Variants in BOC observed in about 807,000 individuals in gnomAD.
BOC encodes the protein BOC cell adhesion associated, oncogene regulated.
In BOC, 76 loss-of-function variants were observed where a neutral mutation model predicts 112.0. The observed-to-expected ratio is 0.68, with a 90% CI of 0.56 to 0.82. BOC has a LOEUF of 0.82. Among genes scored for constraint, BOC ranks in the 40% least tolerant of loss-of-function variants. The pLI, the probability that BOC is intolerant of heterozygous loss-of-function variation, is 0.00. For missense variants in BOC, 1,309 were observed against 1,511.7 expected, an observed-to-expected ratio of 0.87 and a Z score of 2.22; for synonymous variants, 580 against 599.8, an observed-to-expected ratio of 0.97 and a Z score of 0.48.
chr3:113,286,975 A>G lies in BOC; in HGVS notation c.*113A>G. The G allele has an allele frequency of 9.6e-7, 1 of 1,041,100 alleles. No individual in the cohort carries two copies. 64.5% of individuals were successfully genotyped at this position (1,041,100 alleles called of 1,614,324 possible). ...ATTTTTCTATTATAGCCATATTTATATATTTATGCACTTGTAAATAAATGT... is the reference window on the plus strand; with the variant it reads ...ATTTTTCTATTATAGCCATATTTATGTATTTATGCACTTGTAAATAAATGT... On this transcript the variant is annotated 3_prime_UTR_variant, in exon 20 of 20. Coordinates refer to ENST00000682979, the MANE Select transcript of BOC (RefSeq NM_001378074.1).
intron 4 of BOC, among the ~76,000 whole-genome samples, chr3:113,254,078 T>A (rs1344317946): frequency 2.0e-5 from 3 of 152,208 alleles, no homozygotes; most frequent in Admixed American, 2.0e-4. Context: ...GCCTTCATTT[T>A]AAAAATATTC....
Position 113,272,499 on chromosome 3 carries a change from G to A in BOC, c.757G>A (p.Val253Met). The change falls in exon 7 of 20, where the codon GTG becomes ATG. Residue 253 changes from valine to methionine, a missense_variant. Physicochemically the swap from Val to Met is conservative, Grantham distance 21. Coordinates refer to ENST00000682979, the MANE Select transcript of BOC (RefSeq NM_001378074.1). The part of the protein sequence containing the change: ...TKGQSLILEC[V>M]ASGIPPPRVT... ...AGGCCAGAGTCTCATTCTGGAGTGT[G>A]TGGCCAGTGGAATCCCACCCCCACG... 1 of 1,614,100 alleles carries A rather than the reference G, an allele frequency of 6.2e-7. No individual in the cohort carries two copies. The highest frequency in any genetic ancestry group is 8.5e-7 in the Non-Finnish European group (1 of 1,180,024).
At chr3:113,282,816 G>A (rs1269222741) in intron 15 of BOC, among the ~76,000 whole-genome samples, 1 of 152,092 alleles carries the variant, frequency 6.6e-6, no homozygotes, top group East Asian at 1.9e-4. Context: ...AAAGCCGGGG[G>A]AGAAGATGGC....
chr3:113,285,964 A>C (rs1009007381), intron 19 of BOC, among the ~76,000 whole-genome samples: 1 of 152,214 alleles, frequency 6.6e-6, no homozygotes, highest in African/African-American at 2.4e-5. Context: ...TTGTCTCTTA[A>C]TTAAGGAATA....
intron 2 of BOC, among the ~76,000 whole-genome samples, chr3:113,219,592 C>T (rs1303649511): frequency 6.6e-6 from 1 of 152,230 alleles, no homozygotes; most frequent in Non-Finnish European, 1.5e-5. Flanking sequence ...ACGAAGCAAG[C>T]TTTCCCGCAA....
At chr3:113,285,234 A>G in intron 18 of BOC, 138 bp from the exon 19 acceptor site, 1 of 738,824 alleles carries the variant, frequency 1.4e-6, no homozygotes, top group Non-Finnish European at 2.3e-6. Context: ...TTGATGTTCA[A>G]AGGGGAGAGC....
Position 113,286,691 on chromosome 3 carries a change from G to A in BOC, c.3177G>A (p.Leu1059=). Reference sequence around the variant, plus strand: ...TCCCCTCAGGGCCCCCATGCTGCTTGGGCCTTGTGCCAGTTGAAGAGGTGG... The same window carrying A: ...TCCCCTCAGGGCCCCCATGCTGCTTAGGCCTTGTGCCAGTTGAAGAGGTGG... The part of the protein sequence containing the change: ...PPFHSGPPCC[L]GLVPVEEVDS... The change falls in exon 20 of 20, where the codon TTG becomes TTA. Residue 1059 remains leucine, a synonymous_variant. Transcript: ENST00000682979. The A allele has an allele frequency of 1.3e-6, 2 of 1,596,110 alleles. No individual in the cohort carries two copies. Among genetic ancestry groups the A allele is most frequent in the Non-Finnish European group, 1.7e-6 (2 of 1,172,638 alleles).
chr3:113,212,985 C>T (rs1007230259), intron 1 of BOC, among the ~76,000 whole-genome samples: 1 of 152,080 alleles, frequency 6.6e-6, no homozygotes, highest in African/African-American at 2.4e-5. Flanking sequence ...GCAGGCAGAC[C>T]TGAAGGAGTT....
intron 2 of BOC, among the ~76,000 whole-genome samples, chr3:113,225,143 G>A (rs1300652095): frequency 2.6e-5 from 4 of 151,548 alleles, no homozygotes; most frequent in African/African-American, 9.7e-5. Context: ...GTGTGGTGGT[G>A]CACGCCTGTA....
At chr3:113,250,013 C>T (rs1419463231) in intron 3 of BOC, 114 bp downstream of exon 3, 1 of 853,398 alleles carries the variant, frequency 1.2e-6, no homozygotes, top group Non-Finnish European at 1.8e-6. Flanking sequence ...ACACTTTATT[C>T]CCATTGGCCT....
chr3:113,272,349 C>A (rs3930154), intron 6 of BOC, 61 bp from the exon 7 acceptor site: 9 of 1,560,376 alleles, frequency 5.8e-6, no homozygotes, highest in East Asian at 4.5e-5. Context: ...GCCTCCTGGG[C>A]ATGCTCTACA....
At chr3:113,258,316 G>T (rs1191655506) in intron 4 of BOC, among the ~76,000 whole-genome samples, 2 of 152,088 alleles carry the variant, frequency 1.3e-5, no homozygotes, top group Admixed American at 1.3e-4. Context: ...TATTTCCATG[G>T]TGAGCTCAAT....
At chr3:113,241,960 T>G (rs559213925) in intron 2 of BOC, among the ~76,000 whole-genome samples, 2 of 147,386 alleles carry the variant, frequency 1.4e-5, no homozygotes, top group African/African-American at 2.5e-5. Flanking sequence ...GAGAGGGAGG[T>G]TGAGGGAGGA....
chr3:113,227,656 G>T (rs928159506), intron 2 of BOC, among the ~76,000 whole-genome samples: 4 of 152,192 alleles, frequency 2.6e-5, no homozygotes, highest in African/African-American at 9.7e-5. Flanking sequence ...GGTTGGGTGA[G>T]TGGGGGTTTC....
At chr3:113,231,842 T>TA (rs1942660214) in intron 2 of BOC, among the ~76,000 whole-genome samples, 1 of 152,218 alleles carries the variant, frequency 6.6e-6, no homozygotes, top group South Asian at 2.1e-4. Context: ...TCTGTTCATT[T>TA]AATCAACAAA....
intron 4 of BOC, chr3:113,261,598 C>T (rs1390600694): frequency 2.6e-5 from 4 of 152,154 alleles, no homozygotes; most frequent in South Asian, 2.1e-4. Flanking sequence ...GAGGATTAAT[C>T]GCATTTCTCG....
chr3:113,248,753 TA>T (rs1945246563), intron 2 of BOC, among the ~76,000 whole-genome samples: 1 of 152,084 alleles, frequency 6.6e-6, no homozygotes, highest in Non-Finnish European at 1.5e-5. Flanking sequence ...AAGAAAGGCA[TA>T]AAAAATTGTG....
intron 4 of BOC, among the ~76,000 whole-genome samples, chr3:113,262,159 A>T (rs959677390): frequency 2.0e-5 from 3 of 152,180 alleles, no homozygotes; most frequent in African/African-American, 7.2e-5. Context: ...AATCCCAAAG[A>T]CAGCAAACAT....
Position 113,278,532 on chromosome 3 carries a change from G to GC in BOC, c.1706-138dup. ...CAGAACCAGTCTCGGCCGAGGCTGAGCCCACACCCTCAGTGCCCCGGATGC... is the reference window on the plus strand; with the variant it reads ...CAGAACCAGTCTCGGCCGAGGCTGAGCCCCACACCCTCAGTGCCCCGGATGC... On this transcript the variant is annotated intron_variant, in intron 10 of 19. Transcript: ENST00000682979. This position sits in a 1 kb window ranked among gnomAD's most constrained non-coding sequence, Gnocchi z 4.2. 2 of 811,058 alleles carry GC rather than the reference G, an allele frequency of 2.5e-6. No homozygotes were observed. Among genetic ancestry groups the GC allele is most frequent in the South Asian group, 3.3e-5 (2 of 59,880 alleles). The allele number at this position is 811,058 out of a possible 1,614,324, so 50.2% of individuals were successfully genotyped here. A position where few individuals can be genotyped will look rare whatever the true frequency, so the allele number is the denominator to read the frequency against.
Sources: allele counts gnomAD v4.1 joint callset (sites outside exome capture counted in the v4.1 genomes callset), GRCh38; gene constraint gnomAD v4.1.1; non-coding constraint Gnocchi (gnomAD v3.1); transcripts MANE v1.5; gene names NCBI Gene and HGNC (gene_info 2026-07-23, HGNC 2026-07-21).